The following SLC25A26 variants were observed in gnomAD, a reference collection of about 807,000 sequenced individuals.
The protein encoded by SLC25A26 is mitochondrial S-adenosylmethionine carrier protein.
SLC25A26 carries 36 observed loss-of-function variants against 37.8 expected under a neutral mutation model. The observed-to-expected ratio is 0.95, with a 90% CI of 0.73 to 1.26. SLC25A26 has a LOEUF of 1.26. SLC25A26 is among the 50% of genes most tolerant of loss of function. The pLI, the probability that SLC25A26 is intolerant of heterozygous loss-of-function variation, is 0.00. For synonymous variants in SLC25A26, 129 were observed against 122.5 expected, an observed-to-expected ratio of 1.05 and a Z score of -0.35; for missense variants, 390 against 331.1, an observed-to-expected ratio of 1.18 and a Z score of -1.38.
chr3:66,285,573 C>T (rs6809278), intron 5 of SLC25A26, among the ~76,000 whole-genome samples: 2,093 of 78,364 alleles, frequency 0.027, 99 homozygotes, highest in African/African-American at 0.11. Context: ...GGTTCTCCAG[C>T]GTCAGCCTCC....
intron 5 of SLC25A26, among the ~76,000 whole-genome samples, chr3:66,288,097 A>G (rs567958554): frequency 4.8e-4 from 73 of 152,296 alleles, no homozygotes; most frequent in African/African-American, 1.6e-3. Context: ...AGCTTCTCCT[A>G]TTTGTGTGTG....
At chr3:66,351,726 T>C (rs548854781) in intron 6 of SLC25A26, among the ~76,000 whole-genome samples, 223 of 152,224 alleles carry the variant, frequency 1.5e-3, no homozygotes, top group Non-Finnish European at 2.5e-3. Context: ...CACTTCTCAG[T>C]AAATAGCAAA....
intron 5 of SLC25A26, among the ~76,000 whole-genome samples, chr3:66,344,805 A>T (rs767061798): frequency 1.5e-4 from 23 of 152,208 alleles, no homozygotes; most frequent in South Asian, 2.1e-4. Context: ...TTAATAACAG[A>T]TTGTACTGTG....
chr3:66,364,242 C>T (rs529290607), intron 7 of SLC25A26, among the ~76,000 whole-genome samples: 52 of 152,312 alleles, frequency 3.4e-4, no homozygotes, highest in Non-Finnish European at 5.9e-4. Context: ...GCATTAATTA[C>T]AGTTTCCTTT....
intron 9 of SLC25A26, among the ~76,000 whole-genome samples, chr3:66,374,937 A>G (rs1700560742): frequency 6.6e-6 from 1 of 152,122 alleles, no homozygotes; most frequent in Non-Finnish European, 1.5e-5. Context: ...TTAGTGAGGA[A>G]GGCATGTGGA....
At chr3:66,314,131 C>G (rs749816295) in intron 5 of SLC25A26, among the ~76,000 whole-genome samples, 1 of 152,136 alleles carries the variant, frequency 6.6e-6, no homozygotes, top group African/African-American at 2.4e-5. Context: ...GCCTGATTGT[C>G]CTGGCCAGAA....
At chr3:66,368,934 T>C (rs1700182153) in intron 7 of SLC25A26, among the ~76,000 whole-genome samples, 1 of 149,400 alleles carries the variant, frequency 6.7e-6, no homozygotes, top group Non-Finnish European at 1.5e-5. Context: ...GGTGGAGAGA[T>C]CACTTGAGCC....
intron 1 of SLC25A26, among the ~76,000 whole-genome samples, chr3:66,200,699 C>A (rs1332886098): frequency 1.3e-5 from 2 of 152,136 alleles, no homozygotes; most frequent in African/African-American, 4.8e-5. Context: ...TAGCTATTTT[C>A]ATAAAAGCTA....
intron 6 of SLC25A26, among the ~76,000 whole-genome samples, chr3:66,355,448 A>G (rs1366847394): frequency 6.6e-6 from 1 of 152,136 alleles, no homozygotes; most frequent in Non-Finnish European, 1.5e-5. Flanking sequence ...GGGATTCCTA[A>G]TTATCAGTTA....
intron 1 of SLC25A26, among the ~76,000 whole-genome samples, chr3:66,138,988 A>G (rs920886436): frequency 1.1e-4 from 16 of 152,112 alleles, no homozygotes; most frequent in African/African-American, 3.9e-4. Flanking sequence ...TTGATTGATT[A>G]CTTATTCAGT....
chr3:66,154,145 G>A (rs1269216703), intron 1 of SLC25A26, among the ~76,000 whole-genome samples: 1 of 152,038 alleles, frequency 6.6e-6, no homozygotes, highest in African/African-American at 2.4e-5. Context: ...GGCTGTCTGG[G>A]CAATTTGGGT....
intron 5 of SLC25A26, among the ~76,000 whole-genome samples, chr3:66,312,160 GC>G (rs1428390867): frequency 6.6e-6 from 1 of 152,200 alleles, no homozygotes; most frequent in Non-Finnish European, 1.5e-5. Context: ...CCTGACTGGG[GC>G]TGCTGCCTTT....
chr3:66,326,907 A>G (rs548161465), intron 5 of SLC25A26, among the ~76,000 whole-genome samples: 2 of 152,326 alleles, frequency 1.3e-5, no homozygotes, highest in East Asian at 3.9e-4. Flanking sequence ...CTTATAGGCC[A>G]TGCAGACTGG....
chr3:66,308,938 A>T (rs1237695296), intron 5 of SLC25A26, among the ~76,000 whole-genome samples: 6 of 152,204 alleles, frequency 3.9e-5, no homozygotes, highest in Non-Finnish European at 1.5e-5. Flanking sequence ...TCGGTTTGCC[A>T]GAATTTTATT....
In SLC25A26 at chr3:66,174,993, G is replaced by A. The variant is rs181360002; in HGVS notation, c.-354+41009G>A. Among the ~76,000 whole-genome samples the A allele has an allele frequency of 7.9e-5, 12 of 151,128 alleles. No individual in the cohort carries two copies. The East Asian group carries it at 1.6e-3, about 20-fold the overall frequency. On this transcript the variant is annotated intron_variant, in intron 1 of 10. Transcript: ENST00000676754. ...AAATGAAGCCCAACTGGTACACTGG[G>A]CATAATGGTGGTTTGCAAACTTGAC...
At chr3:66,294,962 ACTT>A (rs1246854707) in intron 5 of SLC25A26, among the ~76,000 whole-genome samples, 1 of 152,188 alleles carries the variant, frequency 6.6e-6, no homozygotes, top group African/African-American at 2.4e-5. Context: ...TAAACTGTTA[ACTT>A]CTTATCAAAA....
intron 1 of SLC25A26, among the ~76,000 whole-genome samples, chr3:66,173,722 C>T (rs1263157314): frequency 6.6e-6 from 1 of 152,198 alleles, no homozygotes; most frequent in Non-Finnish European, 1.5e-5. Flanking sequence ...CATAGTGACA[C>T]AGTGTCTGCC....
chr3:66,305,072 G>A (rs1176310848), intron 5 of SLC25A26, among the ~76,000 whole-genome samples: 2 of 152,084 alleles, frequency 1.3e-5, no homozygotes, highest in African/African-American at 2.4e-5. Context: ...TTAGAGCTGC[G>A]AAAAGCCAAA....
intron 7 of SLC25A26, among the ~76,000 whole-genome samples, chr3:66,365,369 C>T (rs563400857): frequency 3.3e-5 from 5 of 152,262 alleles, no homozygotes; most frequent in Admixed American, 6.5e-5. Flanking sequence ...AAAAATGTCC[C>T]GTGATCTTGG....
Sources: allele counts gnomAD v4.1 joint callset (sites outside exome capture counted in the v4.1 genomes callset), GRCh38; gene constraint gnomAD v4.1.1; transcripts MANE v1.5; gene names NCBI Gene and HGNC (gene_info 2026-07-23, HGNC 2026-07-21).